CATSPERT: variants seen among roughly 807,000 people sequenced by gnomAD.
The protein encoded by CATSPERT is catsper channel auxiliary subunit tau.
the CATSPERT span, among the ~76,000 whole-genome samples, chr2:201,576,784 GAC>G: frequency 3.9e-5 from 6 of 152,138 alleles, no homozygotes; most frequent in Non-Finnish European, 5.9e-5. Context: ...ATTGTGGAAA[GAC>G]ACAAACATGC....
chr2:201,496,716 A>G, the CATSPERT span, among the ~76,000 whole-genome samples: 16 of 152,254 alleles, frequency 1.1e-4, no homozygotes, highest in Non-Finnish European at 2.2e-4. Context: ...AGAAATCTAA[A>G]TCAAGATGTG....
At chr2:201,561,774 T>G in the CATSPERT span, among the ~76,000 whole-genome samples, 1 of 151,684 alleles carries the variant, frequency 6.6e-6, no homozygotes, top group Non-Finnish European at 1.5e-5. Flanking sequence ...CTCGGGAGGC[T>G]GAGGCAAGAG....
At chr2:201,582,660 C>G in the CATSPERT span, among the ~76,000 whole-genome samples, 1 of 152,180 alleles carries the variant, frequency 6.6e-6, no homozygotes, top group African/African-American at 2.4e-5. Context: ...TATCTAATAT[C>G]CTTTTCAGTC....
chr2:201,513,859 G>C, the CATSPERT span, among the ~76,000 whole-genome samples: 1 of 152,150 alleles, frequency 6.6e-6, no homozygotes, highest in South Asian at 2.1e-4. Flanking sequence ...TCAAATCATA[G>C]ATATGTTTTC....
chr2:201,526,292 G>T, the CATSPERT span, among the ~76,000 whole-genome samples: 1 of 152,150 alleles, frequency 6.6e-6, no homozygotes, highest in Non-Finnish European at 1.5e-5. Context: ...GCTGAGGCAG[G>T]TGGATCACTT....
At chr2:201,494,881 A>C in the CATSPERT span, 1 of 839,996 alleles carries the variant, frequency 1.2e-6, no homozygotes, top group Non-Finnish European at 1.6e-6. Flanking sequence ...TACCCTCCAC[A>C]AAGGGAGAAA....
chr2:201,592,155 G>A, the CATSPERT span, among the ~76,000 whole-genome samples: 4 of 151,664 alleles, frequency 2.6e-5, no homozygotes, highest in African/African-American at 4.8e-5. Context: ...TTTGAAATAC[G>A]TCAATACCTA....
At chr2:201,565,908 T>A in the CATSPERT span, 6 of 1,544,794 alleles carry the variant, frequency 3.9e-6, no homozygotes, top group Non-Finnish European at 5.3e-6. Context: ...ATTGAAATTA[T>A]ACAAAAGTCC....
At chr2:201,544,986 G>A in the CATSPERT span, among the ~76,000 whole-genome samples, 1 of 145,542 alleles carries the variant, frequency 6.9e-6, no homozygotes, top group South Asian at 2.3e-4. Context: ...GACAGAACTA[G>A]ACCCTGTCTC....
chr2:201,610,282 G>A, the CATSPERT span, among the ~76,000 whole-genome samples: 4 of 151,886 alleles, frequency 2.6e-5, no homozygotes, highest in Admixed American at 6.6e-5. Context: ...GTGAAACCCC[G>A]TCTCTACTAA....
the CATSPERT span, among the ~76,000 whole-genome samples, chr2:201,593,069 A>G: frequency 6.6e-6 from 1 of 151,366 alleles, no homozygotes; most frequent in African/African-American, 2.4e-5. Flanking sequence ...TTTAATTGTG[A>G]TGTTAGGGTG....
chr2:201,532,231 A>T, the CATSPERT span, among the ~76,000 whole-genome samples: 2 of 152,122 alleles, frequency 1.3e-5, no homozygotes, highest in Non-Finnish European at 2.9e-5. Flanking sequence ...AAGAACATTT[A>T]TTTTTGTCTT....
chr2:201,492,227 C>T, the CATSPERT span: 52 of 1,518,082 alleles, frequency 3.4e-5, no homozygotes, highest in Non-Finnish European at 4.3e-5. Context: ...TGACAGTCAT[C>T]TCTAAAAGGT....
At chr2:201,535,746 A>G in the CATSPERT span, 2 of 1,348,156 alleles carry the variant, frequency 1.5e-6, no homozygotes, top group Non-Finnish European at 1.9e-6. Context: ...GAGACATTTG[A>G]ATGCATTTTC....
chr2:201,564,194 G>A, the CATSPERT span, among the ~76,000 whole-genome samples: 3 of 152,124 alleles, frequency 2.0e-5, no homozygotes, highest in African/African-American at 7.2e-5. Flanking sequence ...CCCCTCACAA[G>A]AACTAAAGCC....
At chr2:201,561,125 C>T in the CATSPERT span, among the ~76,000 whole-genome samples, 1 of 152,108 alleles carries the variant, frequency 6.6e-6, no homozygotes, top group Non-Finnish European at 1.5e-5. Context: ...TCTGACCTAC[C>T]GTAAGAAAAT....
the CATSPERT span, among the ~76,000 whole-genome samples, chr2:201,571,019 C>T: frequency 6.6e-6 from 1 of 152,138 alleles, no homozygotes; most frequent in Non-Finnish European, 1.5e-5. Context: ...TTGGCATCAT[C>T]ATAGTAATTA....
the CATSPERT span, chr2:201,534,791 CA>C: frequency 2.2e-6 from 2 of 921,652 alleles, no homozygotes; most frequent in Non-Finnish European, 2.6e-6. Flanking sequence ...GTGTTAATTT[CA>C]AACTTAATGT....
chr2:201,525,375 A>G, the CATSPERT span, among the ~76,000 whole-genome samples: 1 of 152,218 alleles, frequency 6.6e-6, no homozygotes, highest in African/African-American at 2.4e-5. Context: ...AAATAATGAA[A>G]TTAAGGCAGA....
Sources: gnomAD v4.1 joint callset for allele counts (sites outside exome capture counted in the v4.1 genomes callset) on GRCh38, gnomAD v4.1.1 for gene constraint, MANE v1.5 for transcripts, NCBI Gene and HGNC (gene_info 2026-07-23, HGNC 2026-07-21) for gene names.